TRAK1: variants seen among roughly 807,000 people sequenced by gnomAD.
TRAK1 encodes the protein trafficking kinesin-binding protein 1.
TRAK1 carries 33 observed loss-of-function variants against 92.1 expected under a neutral mutation model. The observed-to-expected ratio is 0.36, with a 90% CI of 0.27 to 0.48. The LOEUF (loss-of-function observed/expected upper bound fraction) is 0.48. Among genes scored for constraint, TRAK1 ranks in the 20% least tolerant of loss-of-function variants. TRAK1 has a pLI of 0.99. For missense variants in TRAK1, 1,123 were observed against 1,257.9 expected (o/e 0.89, Z 1.62); for synonymous variants, 521 against 517.3 (o/e 1.01, Z -0.10).
rs201397120 is a variant in TRAK1, at chr3:42,193,865, T to C, written c.942T>C (p.Ala314=). The C allele has an allele frequency of 1.3e-5, 21 of 1,614,224 alleles. No individual in the cohort carries two copies. In the East Asian group the frequency reaches 3.6e-4, roughly 27 times the overall value. ...ENEELVQHLG[A]AKDAQRQLTA... is the part of the protein sequence containing the mutation. ...AAGAACTTGTCCAGCATCTGGGGGCTGCTAAGGATGCCCAGCGGCAGCTCA... is the reference window on the plus strand; with the variant it reads ...AAGAACTTGTCCAGCATCTGGGGGCCGCTAAGGATGCCCAGCGGCAGCTCA... The change falls in exon 9 of 16, where the codon GCT becomes GCC. Residue 314 remains alanine (A), a synonymous_variant. Coordinates refer to ENST00000327628, the MANE Select transcript of TRAK1 (RefSeq NM_001042646.3).
chr3:42,106,326 T>G (rs1232402655), intron 1 of TRAK1, among the ~76,000 whole-genome samples: 2 of 152,098 alleles, frequency 1.3e-5, no homozygotes, highest in East Asian at 3.9e-4. Context: ...TGGAGGAAGA[T>G]CTACCAAGCA....
chr3:42,192,042 C>T (rs1214736887), intron 7 of TRAK1, among the ~76,000 whole-genome samples: 1 of 151,784 alleles, frequency 6.6e-6, no homozygotes, highest in Non-Finnish European at 1.5e-5. Context: ...GCTAGGATTA[C>T]AGGCACCCAC....
In TRAK1 at chr3:42,037,843, G is replaced by A. The variant is rs146718104; in HGVS notation, c.-519+23726G>A. Among the ~76,000 whole-genome samples the A allele has an allele frequency of 6.6e-5, 10 of 152,318 alleles. No homozygotes were observed. The East Asian group carries it at 1.9e-3, about 29-fold the overall frequency. ...TGACAACAAATAACATTTAGTGAGT[G>A]TTTGTGTGGATGATAGCAGTATAGT... On this transcript the variant is annotated intron_variant, in intron 1 of 16. Coordinates refer to the TRAK1 transcript ENST00000487159.
In TRAK1 at chr3:42,135,583, C is replaced by CA. The variant is rs374875703; in HGVS notation, c.286+9976dup. Among the ~76,000 whole-genome samples the CA allele has an allele frequency of 3.4e-3, 518 of 152,102 alleles. 3 individuals carry two copies. Among genetic ancestry groups the CA allele is most frequent in the African/African-American group, 0.011 (475 of 41,478 alleles). On this transcript the variant is annotated intron_variant, in intron 2 of 15. Transcript: ENST00000327628. ...CTCTACAAAAAAAGAAAAACAAAAC[C>CA]AAAAAAACATGAAAAGTCTCATCCA...
intron 2 of TRAK1, among the ~76,000 whole-genome samples, chr3:42,134,618 G>T (rs1210414048): frequency 8.7e-6 from 1 of 115,464 alleles, no homozygotes; most frequent in East Asian, 2.8e-4. Flanking sequence ...ACAGAGTCTC[G>T]CTCTGTTGCC....
intron 1 of TRAK1, among the ~76,000 whole-genome samples, chr3:42,034,910 C>T (rs1702270598): frequency 6.6e-6 from 1 of 152,042 alleles, no homozygotes; most frequent in Non-Finnish European, 1.5e-5. Context: ...TCTCTTCAGC[C>T]TCATCTTGCC....
intron 2 of TRAK1, among the ~76,000 whole-genome samples, chr3:42,144,736 C>T (rs1193906722): frequency 6.6e-6 from 1 of 151,748 alleles, no homozygotes; most frequent in Non-Finnish European, 1.5e-5. Context: ...ATATATTGTT[C>T]CATATAAATT....
intron 2 of TRAK1, among the ~76,000 whole-genome samples, chr3:42,142,450 T>C (rs1698796198): frequency 6.6e-6 from 1 of 152,202 alleles, no homozygotes; most frequent in Non-Finnish European, 1.5e-5. Flanking sequence ...TCAGCTCTCC[T>C]CTGGAGCCCT....
intron 2 of TRAK1, among the ~76,000 whole-genome samples, chr3:42,138,876 G>GGTGTGTGT (rs60025099): frequency 5.1e-4 from 61 of 118,808 alleles, no homozygotes; most frequent in Admixed American, 9.3e-4. Flanking sequence ...AAGCATAGGG[G>GGTGTGTGT]GTGTGTGTGT....
Position 42,177,477 on chromosome 3 carries a change from C to T in TRAK1, c.363+587C>T, listed in dbSNP as rs183251546. ...AATATGTGTATGTGCATGCCTGGAA[C>T]AGGCCAGAACATGGTGGGTTCTTAG... On this transcript the variant is annotated intron_variant, in intron 3 of 15. Coordinates refer to ENST00000327628, the MANE Select transcript of TRAK1 (RefSeq NM_001042646.3). Among the ~76,000 whole-genome samples the T allele has an allele frequency of 2.1e-3, 316 of 152,312 alleles. 1 individual carries two copies. The highest frequency in any genetic ancestry group is 7.4e-3 in the African/African-American group (306 of 41,556).
At chr3:42,110,455 A>C (rs1254787976) in intron 1 of TRAK1, among the ~76,000 whole-genome samples, 1 of 151,886 alleles carries the variant, frequency 6.6e-6, no homozygotes, top group African/African-American at 2.4e-5. Context: ...AGAGCTTTTT[A>C]AGTTCCTATG....
intron 1 of TRAK1, among the ~76,000 whole-genome samples, chr3:42,111,738 A>G (rs1391551004): frequency 1.3e-5 from 2 of 152,154 alleles, no homozygotes; most frequent in African/African-American, 4.8e-5. Flanking sequence ...ATCTATTTTG[A>G]TTAAACCCAT....
chr3:42,151,321 A>G, intron 2 of TRAK1: 1 of 456,426 alleles, frequency 2.2e-6, no homozygotes, highest in Non-Finnish European at 4.4e-6. Context: ...CATCAGAAGG[A>G]TTTTCTTACC....
intron 3 of TRAK1, among the ~76,000 whole-genome samples, chr3:42,178,279 A>G (rs892375370): frequency 6.6e-6 from 1 of 152,050 alleles, no homozygotes; most frequent in Non-Finnish European, 1.5e-5. Flanking sequence ...GCCACCGTCC[A>G]TGCCCTCTGT....
chr3:42,147,748 G>T (rs945641335), intron 2 of TRAK1, among the ~76,000 whole-genome samples: 1 of 152,236 alleles, frequency 6.6e-6, no homozygotes, highest in Non-Finnish European at 1.5e-5. Context: ...GTCTGATGTG[G>T]TATCCTGCCC....
intron 2 of TRAK1, among the ~76,000 whole-genome samples, chr3:42,155,373 C>T (rs781289567): frequency 2.6e-5 from 4 of 152,178 alleles, no homozygotes; most frequent in Non-Finnish European, 5.9e-5. Context: ...AAAATTTATG[C>T]TCCGTTTTTA....
chr3:42,124,860 T>C (rs958433117), intron 1 of TRAK1, among the ~76,000 whole-genome samples: 3 of 152,208 alleles, frequency 2.0e-5, no homozygotes, highest in Non-Finnish European at 4.4e-5. Flanking sequence ...TATAAGTGTT[T>C]CAAGGGCAGG....
intron 2 of TRAK1, chr3:42,149,624 A>T: frequency 6.5e-7 from 1 of 1,535,916 alleles, no homozygotes; most frequent in Non-Finnish European, 8.7e-7. Flanking sequence ...TGCAAAACAG[A>T]GCCGGGATGT....
intron 1 of TRAK1, among the ~76,000 whole-genome samples, chr3:42,021,857 G>A (rs1260491646): frequency 6.6e-6 from 1 of 152,180 alleles, no homozygotes; most frequent in African/African-American, 2.4e-5. Flanking sequence ...CTATAGGTGT[G>A]AGCCACTGCG....
Sources: gnomAD v4.1 joint callset for allele counts (sites outside exome capture counted in the v4.1 genomes callset) on GRCh38, gnomAD v4.1.1 for gene constraint, MANE v1.5 for transcripts, NCBI Gene and HGNC (gene_info 2026-07-23, HGNC 2026-07-21) for gene names.